Variants in ADIG observed in about 807,000 individuals in gnomAD.
ADIG encodes adipogenin.
In ADIG, 12 loss-of-function variants were observed where a neutral mutation model predicts 10.7. The ratio of observed to expected loss-of-function variants is 1.12; its 90% CI spans 0.72 to 1.82. The LOEUF is 1.82. Among genes scored for constraint, ADIG ranks in the 40% most tolerant of loss-of-function variants. The probability of loss-of-function intolerance (pLI) is 0.00; values close to 1 mark genes in which losing one functional copy is unlikely to be tolerated. For synonymous variants in ADIG, 32 were observed against 35.6 expected, an observed-to-expected ratio of 0.90 and a Z score of 0.36; for missense variants, 72 against 92.5, an observed-to-expected ratio of 0.78 and a Z score of 0.91.
chr20:38,582,088 G>A (rs957618831), intron 1 of ADIG, among the ~76,000 whole-genome samples: 3 of 152,174 alleles, frequency 2.0e-5, no homozygotes, highest in Non-Finnish European at 4.4e-5. Context: ...CCTCTGGCAT[G>A]TGTCTCCCTG....
At chr20:38,586,488 T>G (rs2088638148) in intron 2 of ADIG, among the ~76,000 whole-genome samples, 1 of 152,144 alleles carries the variant, frequency 6.6e-6, no homozygotes, top group East Asian at 1.9e-4. Context: ...CTCCCTCCCC[T>G]CTGAGGGCTT....
Position 38,586,032 on chromosome 20 carries a change from C to G in ADIG, c.128C>G (p.Ser43Ter), listed in dbSNP as rs1458924530. 3 of 1,605,282 alleles carry G rather than the reference C, an allele frequency of 1.9e-6. No individual in the cohort carries two copies. The highest frequency in any genetic ancestry group is 2.7e-5 in the African/African-American group (2 of 74,938). The change falls in exon 2 of 3, where the codon TCA (serine) becomes TGA (stop). Residue 43 changes from serine to a stop codon, truncating the protein, a stop_gained. Transcript: ENST00000537425. LOFTEE classifies it high-confidence loss of function. ...GCCTTGCCTCGTATCTCCACAGATT[C>G]AGAGGAAAATGACTCCAGTGTGTGC... ...IWLRFLLSQDSEENDSSVCLD... is the reference protein window; with the variant it reads ...IWLRFLLSQD
In ADIG at chr20:38,588,169, G is replaced by C; in HGVS notation, c.*83G>C. The C allele has an allele frequency of 7.7e-7, 1 of 1,304,744 alleles. No homozygotes were observed. The highest frequency in any genetic ancestry group is 1.0e-6 in the Non-Finnish European group (1 of 988,878). The allele number at this position is 1,304,744 out of a possible 1,614,324, so 80.8% of individuals were successfully genotyped here. On this transcript the variant is annotated 3_prime_UTR_variant, in exon 3 of 3. Transcript: ENST00000537425. ...TGGATGGGAGAGACTTGCCAGGGAG[G>C]CAAGAGGACTTTGGCAACTGTGGTG...
Position 38,588,384 on chromosome 20 carries a change from G to T in ADIG, c.*298G>T. ...CAATTTAATTCAGAGGGGTCTTAAA[G>T]CAGGGCTGGGCCGGAGGGTGTGGGT... On this transcript the variant is annotated 3_prime_UTR_variant, in exon 3 of 3. Transcript: ENST00000537425. 7.8e-7 allele frequency: 1 copy of T among 1,275,886 alleles called. No homozygotes were observed. The highest frequency in any genetic ancestry group is 1.0e-6 in the Non-Finnish European group (1 of 974,846). The allele number at this position is 1,275,886 out of a possible 1,614,324, so 79.0% of individuals were successfully genotyped here.
At chr20:38,585,526 G>C in intron 1 of ADIG, 1 of 1,550,504 alleles carries the variant, frequency 6.4e-7, no homozygotes, top group East Asian at 2.4e-5. Flanking sequence ...TCTCCATGTG[G>C]TGTGACTCTC....
intron 1 of ADIG, chr20:38,585,586 T>C: frequency 1.3e-6 from 2 of 1,482,662 alleles, no homozygotes; most frequent in South Asian, 1.2e-5. Flanking sequence ...GTGGACACAG[T>C]TTCCAGGTGT....
chr20:38,585,988 G>T, intron 1 of ADIG, 41 bp from the exon 2 acceptor site: 1 of 1,552,598 alleles, frequency 6.4e-7, no homozygotes, highest in East Asian at 2.4e-5. Flanking sequence ...GTAGGAGACA[G>T]GATGTGACCA....
chr20:38,587,479 T>G (rs1300624432), intron 2 of ADIG, among the ~76,000 whole-genome samples: 71 of 152,162 alleles, frequency 4.7e-4, no homozygotes, highest in Non-Finnish European at 1.5e-5. Context: ...GCTCCACAGG[T>G]GTGTAACCTG....
intron 1 of ADIG, among the ~76,000 whole-genome samples, chr20:38,581,595 G>C (rs1023501548): frequency 1.3e-5 from 2 of 152,196 alleles, no homozygotes; most frequent in Admixed American, 6.5e-5. Context: ...TTTGAACCTA[G>C]AGTTCGAGAG....
At position 38,582,114 on chromosome 20, in the gene ADIG, A is replaced by G. The variant is rs193057429; in HGVS notation, c.124+740A>G. ...TGTCTCCCTGAGCATCCCCTTCAGC[A>G]AGAGGTCTCTTCCTGCTGGACACAG... On this transcript the variant is annotated intron_variant, in intron 1 of 2. Coordinates refer to ENST00000537425, the MANE Select transcript of ADIG (RefSeq NM_001393816.1). Among the ~76,000 whole-genome samples the G allele has an allele frequency of 1.1e-4, 16 of 152,288 alleles. No individual in the cohort carries two copies. The East Asian group carries it at 2.9e-3, about 28-fold the overall frequency.
chr20:38,584,812 T>A (rs1362142381), intron 1 of ADIG, among the ~76,000 whole-genome samples: 2 of 151,736 alleles, frequency 1.3e-5, no homozygotes, highest in African/African-American at 4.8e-5. Context: ...GGAGTCTCGC[T>A]CTGTCACCAG....
In ADIG at chr20:38,585,504, G is replaced by A. The variant is rs546328020; in HGVS notation, c.125-525G>A. On this transcript the variant is annotated intron_variant, in intron 1 of 2. Coordinates refer to ENST00000537425, the MANE Select transcript of ADIG (RefSeq NM_001393816.1). ...ACAGCTTCATGACAAGCCATCAGAC[G>A]GAGGGTCCGGGTCTCCATGTGGTGT... 9.4e-5 allele frequency: 145 copies of A among 1,550,536 alleles called. No individual in the cohort carries two copies. The African/African-American group carries it at 1.5e-3, about 16-fold the overall frequency.
Position 38,588,188 on chromosome 20 carries a change from T to C in ADIG, c.*102T>C, listed in dbSNP as rs1198531646. 5 of 1,304,776 alleles carry C rather than the reference T, an allele frequency of 3.8e-6. No individual in the cohort carries two copies. Among genetic ancestry groups the C allele is most frequent in the South Asian group, 2.5e-5 (2 of 81,034 alleles). 80.8% of individuals were successfully genotyped at this position (1,304,776 alleles called of 1,614,324 possible). A position where few individuals can be genotyped will look rare whatever the true frequency, so the allele number is the denominator to read the frequency against. On this transcript the variant is annotated 3_prime_UTR_variant, in exon 3 of 3. Transcript: ENST00000537425. ...AGGGAGGCAAGAGGACTTTGGCAAC[T>C]GTGGTGCCTCCCTGGAACCCCCAAC...
At chr20:38,585,396 T>C (rs1601120253) in intron 1 of ADIG, 1 of 1,546,692 alleles carries the variant, frequency 6.5e-7, no homozygotes, top group East Asian at 2.4e-5. Flanking sequence ...AACAAAAAGA[T>C]CCTACATTTC....
Position 38,586,040 on chromosome 20 carries a change from A to G in ADIG, c.136A>G (p.Asn46Asp). 6.2e-7 allele frequency: 1 copy of G among 1,608,022 alleles called. No individual in the cohort carries two copies. Among genetic ancestry groups the G allele is most frequent in the African/African-American group, 1.3e-5 (1 of 74,984 alleles). ...RFLLSQDSEE[N>D]DSSVCLDWEP... ...TCGTATCTCCACAGATTCAGAGGAA[A>G]ATGACTCCAGTGTGTGCTTGGATTG... is the stretch of plus-strand genomic sequence containing the variant. Residue 46 changes from asparagine to aspartate, a missense_variant, in exon 2 of 3, where the codon AAT becomes GAT. Asn to Asp is a conservative substitution (Grantham distance 23). Transcript: ENST00000537425.
At chr20:38,583,886 T>C (rs575701727) in intron 1 of ADIG, among the ~76,000 whole-genome samples, 1 of 152,348 alleles carries the variant, frequency 6.6e-6, no homozygotes, top group Non-Finnish European at 1.5e-5. Context: ...TTCTCCGTCT[T>C]CTAAAACTCC....
At position 38,588,260 on chromosome 20, in the gene ADIG, C is replaced by T. The variant is rs534126664; in HGVS notation, c.*174C>T. The stretch of plus-strand genomic sequence containing the variant: ...ATGTGAAAGCCTCCAGAGGTCCCAG[C>T]CCTTCTCCAGCATCACAGATGACCT... On this transcript the variant is annotated 3_prime_UTR_variant, in exon 3 of 3. Coordinates refer to ENST00000537425, the MANE Select transcript of ADIG (RefSeq NM_001393816.1). 8 of 1,304,346 alleles carry T rather than the reference C, an allele frequency of 6.1e-6. No individual in the cohort carries two copies. The highest frequency in any genetic ancestry group is 5.5e-5 in the East Asian group (1 of 18,028). 80.8% of individuals were successfully genotyped at this position (1,304,346 alleles called of 1,614,324 possible). A position where few individuals can be genotyped will look rare whatever the true frequency, so the allele number is the denominator to read the frequency against.
intron 1 of ADIG, among the ~76,000 whole-genome samples, chr20:38,583,953 T>TG (rs1008591898): frequency 2.0e-5 from 3 of 152,118 alleles, no homozygotes; most frequent in East Asian, 1.9e-4. Context: ...TGTCAGGGTT[T>TG]GGGGGGCTAA....
At position 38,581,346 on chromosome 20, in the gene ADIG, C is replaced by T. The variant is rs2088589701; in HGVS notation, c.96C>T (p.Ile32=). ...CTGTGGGTTTGCTGTTGTTATTGAT[C>T]ATCTGGCTACGCTTCTTACTTAGCC... ...CLPVGLLLLL[I]IWLRFLLSQD... Residue 32 remains isoleucine (I), a synonymous_variant, in exon 1 of 3, where the codon ATC becomes ATT. Transcript: ENST00000537425. 6.2e-7 allele frequency: 1 copy of T among 1,613,882 alleles called. No individual in the cohort carries two copies. Among genetic ancestry groups the T allele is most frequent in the African/African-American group, 1.3e-5 (1 of 74,936 alleles).
Sources: allele counts gnomAD v4.1 joint callset (sites outside exome capture counted in the v4.1 genomes callset), GRCh38; gene constraint gnomAD v4.1.1; transcripts MANE v1.5; gene names NCBI Gene and HGNC (gene_info 2026-07-23, HGNC 2026-07-21).